Variants in PLCL1 observed in about 807,000 individuals in gnomAD.
PLCL1 encodes the protein inactive phospholipase C-like protein 1.
PLCL1 carries 41 observed loss-of-function variants against 84.4 expected under a neutral mutation model. The observed-to-expected ratio is 0.49, with a 90% CI of 0.38 to 0.63. The LOEUF is 0.63. Ranked by LOEUF, PLCL1 falls within the 30% of genes least tolerant of loss-of-function variation. PLCL1 has a pLI of 0.00. For missense variants in PLCL1, 1,206 were observed against 1,367.8 expected, an observed-to-expected ratio of 0.88 and a Z score of 1.87; for synonymous variants, 490 against 488.3, an observed-to-expected ratio of 1.00 and a Z score of -0.05.
intron 1 of PLCL1, among the ~76,000 whole-genome samples, chr2:198,006,345 G>A (rs1448926023): frequency 6.6e-6 from 1 of 152,028 alleles, no homozygotes; most frequent in African/African-American, 2.4e-5. Flanking sequence ...TTAATTTTTG[G>A]TACAATAGGG....
intron 1 of PLCL1, among the ~76,000 whole-genome samples, chr2:198,076,576 G>C (rs963583111): frequency 2.0e-5 from 3 of 152,190 alleles, no homozygotes; most frequent in Non-Finnish European, 2.9e-5. Flanking sequence ...ACCCACTAGG[G>C]AAGGCCAGTG....
chr2:198,126,020 T>C (rs181389255), intron 5 of PLCL1, among the ~76,000 whole-genome samples: 2 of 152,312 alleles, frequency 1.3e-5, no homozygotes, highest in East Asian at 3.9e-4. Flanking sequence ...CTCAAGTCTC[T>C]AGGATAACAA....
At chr2:197,917,181 C>G (rs1184704442) in intron 1 of PLCL1, among the ~76,000 whole-genome samples, 1 of 152,164 alleles carries the variant, frequency 6.6e-6, no homozygotes, top group Non-Finnish European at 1.5e-5. Flanking sequence ...GAAAACTTGT[C>G]TACACAAAAA....
chr2:198,075,471 G>A (rs943583185), intron 1 of PLCL1, among the ~76,000 whole-genome samples: 1 of 152,226 alleles, frequency 6.6e-6, no homozygotes, highest in African/African-American at 2.4e-5. Context: ...AGTGGGATTA[G>A]TGAAAAGGAC....
At chr2:198,133,902 C>T (rs1694189165) in intron 5 of PLCL1, among the ~76,000 whole-genome samples, 2 of 152,122 alleles carry the variant, frequency 1.3e-5, no homozygotes, top group Admixed American at 1.3e-4. Context: ...TACTGTATAT[C>T]AGATGCAATT....
At chr2:198,051,006 A>G (rs1178702122) in intron 1 of PLCL1, among the ~76,000 whole-genome samples, 1 of 152,250 alleles carries the variant, frequency 6.6e-6, no homozygotes, top group Non-Finnish European at 1.5e-5. Context: ...TTAACGTGGT[A>G]CAACGACAAC....
chr2:198,025,399 A>G (rs569868536), intron 1 of PLCL1, among the ~76,000 whole-genome samples: 42 of 152,042 alleles, frequency 2.8e-4, no homozygotes, highest in African/African-American at 9.6e-4. Context: ...TTTCTCATGT[A>G]ACAATACATT....
chr2:198,020,467 A>G (rs1346996634), intron 1 of PLCL1, among the ~76,000 whole-genome samples: 2 of 152,044 alleles, frequency 1.3e-5, no homozygotes, highest in Admixed American at 6.6e-5. Context: ...CTCAAGACCT[A>G]TTGGTGTGCT....
At chr2:197,941,770 C>G (rs1253607513) in intron 1 of PLCL1, among the ~76,000 whole-genome samples, 1 of 151,962 alleles carries the variant, frequency 6.6e-6, no homozygotes, top group Non-Finnish European at 1.5e-5. Flanking sequence ...TCTCTCTCTC[C>G]CATTGTTGGA....
chr2:198,026,626 A>G (rs973018315), intron 1 of PLCL1, among the ~76,000 whole-genome samples: 2 of 152,214 alleles, frequency 1.3e-5, no homozygotes, highest in South Asian at 2.1e-4. Flanking sequence ...AAAATATCCA[A>G]TTTATATAAG....
chr2:198,038,084 A>G (rs1691585437), intron 1 of PLCL1, among the ~76,000 whole-genome samples: 1 of 152,084 alleles, frequency 6.6e-6, no homozygotes. Context: ...AATTTTTATT[A>G]TTTTCTGCTT....
intron 1 of PLCL1, among the ~76,000 whole-genome samples, chr2:197,892,790 C>T (rs778451691): frequency 5.9e-5 from 9 of 152,032 alleles, no homozygotes; most frequent in African/African-American, 7.2e-5. Context: ...GTCAGGAGTT[C>T]GAGATCAGCC....
intron 5 of PLCL1, among the ~76,000 whole-genome samples, chr2:198,131,856 G>T (rs943913730): frequency 1.3e-5 from 2 of 152,276 alleles, no homozygotes; most frequent in East Asian, 3.9e-4. Flanking sequence ...TGCATGTGAC[G>T]ATGCAGGGAA....
chr2:197,984,413 G>A lies in PLCL1; in HGVS notation c.241-99345G>A, dbSNP rs531254795. ...TGGAACAAAATCTTCAATAGTGACT[G>A]GCTCTGATTTCCAAGGAAGTTGAAG... On this transcript the variant is annotated intron_variant, in intron 1 of 5. Coordinates refer to ENST00000428675, the MANE Select transcript of PLCL1 (RefSeq NM_006226.4). Among the ~76,000 whole-genome samples, 32 of 151,906 alleles carry A rather than the reference G, an allele frequency of 2.1e-4. 1 individual carries two copies. The highest frequency in any genetic ancestry group is 7.8e-4 in the African/African-American group (32 of 41,242).
At chr2:198,125,689 A>G (rs62277912) in intron 5 of PLCL1, among the ~76,000 whole-genome samples, 1 of 152,116 alleles carries the variant, frequency 6.6e-6, no homozygotes. Flanking sequence ...AAAATATAAT[A>G]TGTCATGGTG....
At chr2:197,812,744 G>C (rs1024758156) in intron 1 of PLCL1, among the ~76,000 whole-genome samples, 22 of 152,190 alleles carry the variant, frequency 1.4e-4, no homozygotes, top group African/African-American at 4.1e-4. Context: ...AGCAATCAGA[G>C]ATACTCAAAT....
intron 5 of PLCL1, among the ~76,000 whole-genome samples, chr2:198,143,782 C>T (rs11674075): frequency 0.37 from 56,230 of 151,940 alleles, 11,413 homozygotes; most frequent in Middle Eastern, 0.59. Context: ...AAGATGACTG[C>T]TATTCCTCCT....
chr2:197,883,338 A>T (rs1687863065), intron 1 of PLCL1, among the ~76,000 whole-genome samples: 1 of 152,190 alleles, frequency 6.6e-6, no homozygotes, highest in Non-Finnish European at 1.5e-5. Flanking sequence ...TGTATGGGAG[A>T]TAGACCTGGT....
chr2:198,136,385 G>T (rs1035818038), intron 5 of PLCL1, among the ~76,000 whole-genome samples: 1 of 152,094 alleles, frequency 6.6e-6, no homozygotes, highest in Non-Finnish European at 1.5e-5. Context: ...AGGTCAAAAA[G>T]CTAGTAAGTC....
Sources: allele counts gnomAD v4.1 joint callset (sites outside exome capture counted in the v4.1 genomes callset), GRCh38; gene constraint gnomAD v4.1.1; transcripts MANE v1.5; gene names NCBI Gene and HGNC (gene_info 2026-07-23, HGNC 2026-07-21).